ADGRL2: variants seen among roughly 807,000 people sequenced by gnomAD.
ADGRL2 encodes the protein calcium-independent alpha-latrotoxin receptor 2.
ADGRL2 carries 44 observed loss-of-function variants against 157.4 expected under a neutral mutation model. That is an observed-to-expected ratio of 0.28 (90% CI 0.22 to 0.36). The LOEUF (loss-of-function observed/expected upper bound fraction) is 0.36, where lower values mean the gene tolerates loss of function less well. Ranked by LOEUF, ADGRL2 falls within the 10% of genes least tolerant of loss-of-function variation. ADGRL2 has a pLI of 1.00. For missense variants in ADGRL2, 1,510 were observed against 1,768.9 expected (o/e 0.85, Z 2.63); for synonymous variants, 585 against 624.7 (o/e 0.94, Z 0.95).
rs137855779 is a variant in ADGRL2, at chr1:81,559,364, C to T, written c.-247-21512C>T. Among the ~76,000 whole-genome samples the T allele has an allele frequency of 2.6e-5, 4 of 151,560 alleles. No individual in the cohort carries two copies. The East Asian group carries it at 5.8e-4, about 22-fold the overall frequency. On this transcript the variant is annotated intron_variant, in intron 2 of 24. Transcript: ENST00000370721. ...GTGTCAATTGTGATGGATATAAATA[C>T]GATGAAGAATTGGTATCATGTACAG...
At chr1:81,502,215 G>A in intron 2 of ADGRL2, 1 of 1,603,464 alleles carries the variant, frequency 6.2e-7, no homozygotes. Context: ...CCAGCACCAG[G>A]GCTCCCACCA....
At chr1:81,729,368 ACTGAG>A (rs1342698366) in intron 1 of ADGRL2, among the ~76,000 whole-genome samples, 1 of 152,082 alleles carries the variant, frequency 6.6e-6, no homozygotes, top group African/African-American at 2.4e-5. Flanking sequence ...GTTATTTTTA[ACTGAG>A]CTGCTGTATC....
chr1:81,803,340 G>A (rs1396417295), intron 1 of ADGRL2, among the ~76,000 whole-genome samples: 1 of 152,102 alleles, frequency 6.6e-6, no homozygotes, highest in Non-Finnish European at 1.5e-5. Flanking sequence ...GACCCGTAAA[G>A]TTTGTTCCTT....
intron 2 of ADGRL2, among the ~76,000 whole-genome samples, chr1:81,881,211 T>C (rs552017081): frequency 3.9e-5 from 6 of 152,336 alleles, no homozygotes; most frequent in African/African-American, 1.4e-4. Context: ...AGTCTTGCTC[T>C]GTCACCCAGG....
chr1:81,607,056 T>G (rs1444757177), intron 3 of ADGRL2, among the ~76,000 whole-genome samples: 1 of 152,222 alleles, frequency 6.6e-6, no homozygotes, highest in Non-Finnish European at 1.5e-5. Context: ...ACTCTTTATT[T>G]TATAATTTTT....
chr1:81,792,724 C>T (rs981964992), intron 2 of ADGRL2, among the ~76,000 whole-genome samples: 1 of 151,994 alleles, frequency 6.6e-6, no homozygotes, highest in African/African-American at 2.4e-5. Flanking sequence ...TTTATATCAA[C>T]ATTTCCTGTC....
intron 2 of ADGRL2, among the ~76,000 whole-genome samples, chr1:81,527,474 G>C (rs1014402900): frequency 6.6e-6 from 1 of 152,196 alleles, no homozygotes; most frequent in African/African-American, 2.4e-5. Flanking sequence ...CACTTTGGGA[G>C]ACCAAGGCAG....
intron 2 of ADGRL2, among the ~76,000 whole-genome samples, chr1:81,549,669 A>G (rs1359397257): frequency 6.6e-6 from 1 of 152,190 alleles, no homozygotes; most frequent in Non-Finnish European, 1.5e-5. Flanking sequence ...GAGAGAGCTA[A>G]GGGAGAAAGC....
chr1:81,406,689 T>C (rs1456560925), intron 1 of ADGRL2, among the ~76,000 whole-genome samples: 5 of 152,152 alleles, frequency 3.3e-5, no homozygotes, highest in African/African-American at 2.4e-5. Flanking sequence ...CAAATGACAT[T>C]GTTGTCTGAG....
intron 1 of ADGRL2, among the ~76,000 whole-genome samples, chr1:81,431,597 G>A (rs916414897): frequency 6.6e-6 from 1 of 152,208 alleles, no homozygotes; most frequent in Non-Finnish European, 1.5e-5. Context: ...ACATTCCGCT[G>A]TAAACACAGA....
intron 16 of ADGRL2, 37 bp downstream of exon 16, chr1:81,970,571 G>T: frequency 1.3e-6 from 2 of 1,532,802 alleles, no homozygotes; most frequent in South Asian, 2.3e-5. Context: ...TTTTTCAAGT[G>T]AATAATTTTT....
At chr1:81,832,167 A>G (rs1285825710) in intron 1 of ADGRL2, among the ~76,000 whole-genome samples, 1 of 152,046 alleles carries the variant, frequency 6.6e-6, no homozygotes, top group Non-Finnish European at 1.5e-5. Flanking sequence ...TTTGATATGG[A>G]GTCTCACTGT....
chr1:81,692,413 G>A (rs957780152), intron 3 of ADGRL2, among the ~76,000 whole-genome samples: 1 of 152,132 alleles, frequency 6.6e-6, no homozygotes, highest in Non-Finnish European at 1.5e-5. Flanking sequence ...AATTATGTGG[G>A]ATAACAGAGA....
intron 2 of ADGRL2, among the ~76,000 whole-genome samples, chr1:81,541,316 C>A (rs1375614110): frequency 6.6e-6 from 1 of 152,124 alleles, no homozygotes; most frequent in African/African-American, 2.4e-5. Flanking sequence ...ATGGACATTT[C>A]TTTCTTTTCC....
At position 81,990,956 on chromosome 1, in the gene ADGRL2, C is replaced by T. The variant is rs147604439; in HGVS notation, c.4221C>T (p.Ser1407=). 4 of 1,613,918 alleles carry T rather than the reference C, an allele frequency of 2.5e-6. No homozygotes were observed. In the African/African-American group the frequency reaches 5.3e-5, roughly 22 times the overall value. Residue 1407 remains serine, a synonymous_variant, in exon 24 of 24, where the codon TCC becomes TCT. Transcript: ENST00000686636. ...ACATGGAAGAAGACCTCTCTCCCTC[C>T]AGGAGGAGTGAGAATGAGGACATTT... ...SPDMEEDLSP[S]RRSENEDIYY...
chr1:81,626,220 C>G (rs1478791641), intron 3 of ADGRL2, among the ~76,000 whole-genome samples: 1 of 152,186 alleles, frequency 6.6e-6, no homozygotes, highest in Non-Finnish European at 1.5e-5. Context: ...TGGGAAATAT[C>G]AAAGACCAAA....
At chr1:81,675,145 A>C (rs1242510439) in intron 3 of ADGRL2, among the ~76,000 whole-genome samples, 2 of 152,176 alleles carry the variant, frequency 1.3e-5, no homozygotes, top group Non-Finnish European at 2.9e-5. Flanking sequence ...TAATTGAGGA[A>C]AATTAGGTGG....
chr1:81,674,812 A>G (rs2082952657), intron 3 of ADGRL2, among the ~76,000 whole-genome samples: 1 of 152,184 alleles, frequency 6.6e-6, no homozygotes. Context: ...ATAAGGGAAT[A>G]TTTGAAAAGA....
chr1:81,828,439 A>G (rs1342537721), intron 1 of ADGRL2, among the ~76,000 whole-genome samples: 1 of 152,016 alleles, frequency 6.6e-6, no homozygotes, highest in Non-Finnish European at 1.5e-5. Context: ...GCTTTTCTTT[A>G]TATGTGGAGT....
Sources: gnomAD v4.1 joint callset for allele counts (sites outside exome capture counted in the v4.1 genomes callset) on GRCh38, gnomAD v4.1.1 for gene constraint, MANE v1.5 for transcripts, NCBI Gene and HGNC (gene_info 2026-07-23, HGNC 2026-07-21) for gene names.